The following POLE2 variants were observed in gnomAD, a reference collection of about 807,000 sequenced individuals.
POLE2 encodes DNA polymerase epsilon subunit 2.
A neutral mutation model predicts 79.4 loss-of-function variants in POLE2; 56 were observed. That is an observed-to-expected ratio of 0.71 (90% confidence interval 0.57 to 0.88). POLE2 has a LOEUF of 0.88. Among genes scored for constraint, POLE2 ranks in the 40% least tolerant of loss-of-function variants. The pLI is 0.00. For synonymous variants in POLE2, 212 were observed against 214.0 expected (o/e 0.99, Z 0.08); for missense variants, 598 against 638.9 (o/e 0.94, Z 0.69).
Position 49,654,846 on chromosome 14 carries a change from T to G in POLE2, c.1019-8A>C. The G allele has an allele frequency of 6.7e-7, 1 of 1,489,628 alleles. No homozygotes were observed. 92.3% of individuals were successfully genotyped at this position (1,489,628 alleles called of 1,614,324 possible). ...CCAAAGTTTTTAGGGAATCTAAAAT[T>G]TTAAAAAGGTATTGAATTAAATTTG... On this transcript the variant is annotated splice_region_variant and splice_polypyrimidine_tract_variant and intron_variant, in intron 12 of 18. Transcript: ENST00000216367.
intron 2 of POLE2, among the ~76,000 whole-genome samples, chr14:49,683,198 T>C (rs1481815288): frequency 6.6e-6 from 1 of 152,140 alleles, no homozygotes; most frequent in African/African-American, 2.4e-5. Flanking sequence ...GCCCAGGAGT[T>C]TGAGACCAGG....
At chr14:49,684,165 GA>G (rs564493827) in intron 1 of POLE2, among the ~76,000 whole-genome samples, 4 of 151,696 alleles carry the variant, frequency 2.6e-5, no homozygotes, top group African/African-American at 9.7e-5. Flanking sequence ...TGTAAAATAA[GA>G]AAAAAAATAG....
intron 7 of POLE2, among the ~76,000 whole-genome samples, 178 bp from the exon 8 acceptor site, chr14:49,665,341 C>G (rs977615760): frequency 1.3e-5 from 2 of 152,192 alleles, no homozygotes; most frequent in African/African-American, 4.8e-5. Context: ...AGACTAATCA[C>G]TTAACTGAGA....
chr14:49,654,546 A>T, intron 13 of POLE2: 1 of 467,698 alleles, frequency 2.1e-6, no homozygotes. Flanking sequence ...CTAGACTCTT[A>T]AGAGTAATGC....
chr14:49,666,210 G>A, intron 7 of POLE2, 120 bp downstream of exon 7: 1 of 642,714 alleles, frequency 1.6e-6, no homozygotes. Flanking sequence ...ATATTGTTCT[G>A]TTGGTGAGGC....
chr14:49,656,059 T>C (rs1351765427), intron 10 of POLE2, among the ~76,000 whole-genome samples: 1 of 152,122 alleles, frequency 6.6e-6, no homozygotes. Flanking sequence ...ATCTGTGTCT[T>C]AAAACTGACT....
rs372605618 is a variant in POLE2 at position 49,655,097 on chromosome 14, A to G, written c.929-3T>C. On this transcript the variant is annotated splice_region_variant and splice_polypyrimidine_tract_variant and intron_variant, in intron 11 of 18. Coordinates refer to ENST00000216367, the MANE Select transcript of POLE2 (RefSeq NM_002692.4). ...GGTTGGAGGTGCTGGTGAATAACCT[A>G]AACAATAAAAGAGTAAATGAACAAT... 59 of 1,465,870 alleles carry G rather than the reference A, an allele frequency of 4.0e-5. No homozygotes were observed. In the African/African-American group the frequency reaches 7.9e-4, roughly 20 times the overall value. 90.8% of individuals were successfully genotyped at this position (1,465,870 alleles called of 1,614,324 possible).
chr14:49,669,675 G>A (rs1470597247), intron 5 of POLE2, 77 bp from the exon 6 acceptor site: 3 of 756,300 alleles, frequency 4.0e-6, no homozygotes, highest in African/African-American at 1.8e-5. Flanking sequence ...GTGCCCTGAT[G>A]AAACACTGTC....
chr14:49,654,936 T>C (rs898959930), intron 12 of POLE2, 69 bp downstream of exon 12: 2 of 1,367,048 alleles, frequency 1.5e-6, no homozygotes, highest in African/African-American at 1.5e-5. Flanking sequence ...TAAAATATTA[T>C]GGATAATTTC....
intron 6 of POLE2, among the ~76,000 whole-genome samples, chr14:49,668,673 G>GA (rs1364286795): frequency 6.6e-6 from 1 of 152,164 alleles, no homozygotes; most frequent in East Asian, 1.9e-4. Flanking sequence ...GGAGAAAAGG[G>GA]AAAAGGCTCC....
chr14:49,660,008 C>G (rs1015000843), intron 10 of POLE2, among the ~76,000 whole-genome samples: 2 of 152,186 alleles, frequency 1.3e-5, no homozygotes, highest in Non-Finnish European at 2.9e-5. Context: ...CAAATTCACT[C>G]ACTACTCACT....
intron 6 of POLE2, 74 bp downstream of exon 6, chr14:49,669,450 A>G: frequency 3.8e-6 from 3 of 788,542 alleles, no homozygotes; most frequent in Non-Finnish European, 4.4e-6. Context: ...TTAAAATTCA[A>G]TGAATTAGAA....
At chr14:49,647,194 A>G in intron 18 of POLE2, 99 bp downstream of exon 18, 1 of 671,866 alleles carries the variant, frequency 1.5e-6, no homozygotes, top group South Asian at 1.9e-5. Context: ...GCCACTGTAG[A>G]CATTTTCAAA....
chr14:49,674,308 TA>T, intron 4 of POLE2, 41 bp downstream of exon 4: 1 of 1,484,732 alleles, frequency 6.7e-7, no homozygotes, highest in Non-Finnish European at 9.4e-7. Context: ...AAAAAAAAAG[TA>T]CATTTGAAAT....
chr14:49,663,373 G>T lies in POLE2; in HGVS notation c.697C>A (p.Gln233Lys). The T allele has an allele frequency of 1.2e-6, 2 of 1,608,960 alleles. No homozygotes were observed. The highest frequency in any genetic ancestry group is 1.1e-5 in the South Asian group (1 of 90,434). ...FVLAEGWFED[Q>K]VFHVNAFGFP... ...CCAAAGGCATTGACATGAAACACTT[G>T]ATCTTCAAACCAACCTGAAAAAAAG... Residue 233 changes from glutamine to lysine, a missense_variant, in exon 10 of 19, where the codon CAA becomes AAA. Gln to Lys is a moderately conservative substitution (Grantham distance 53). Transcript: ENST00000216367.
At chr14:49,675,259 T>C (rs2139674063) in intron 3 of POLE2, among the ~76,000 whole-genome samples, 1 of 151,754 alleles carries the variant, frequency 6.6e-6, no homozygotes, top group East Asian at 2.0e-4. Flanking sequence ...TAATTTTGTA[T>C]TTTTAACAAA....
chr14:49,653,978 A>G lies in POLE2; in HGVS notation c.1211+12T>C. ...AAAGGAAAAATGTATAACACAAAAT[A>G]CTAATTCTTACCTGCAAGGATTAGT... On this transcript the variant is annotated intron_variant, in intron 15 of 18. Coordinates refer to ENST00000216367, the MANE Select transcript of POLE2 (RefSeq NM_002692.4). The G allele has an allele frequency of 7.0e-7, 1 of 1,436,586 alleles. No individual in the cohort carries two copies. Among genetic ancestry groups the G allele is most frequent in the Non-Finnish European group, 9.8e-7 (1 of 1,023,798 alleles). 89.0% of individuals were successfully genotyped at this position (1,436,586 alleles called of 1,614,324 possible).
In POLE2 at chr14:49,650,393, A is replaced by G. The variant is rs1345729861; in HGVS notation, c.1369T>C (p.Tyr457His). 1.3e-6 allele frequency: 2 copies of G among 1,588,700 alleles called. No individual in the cohort carries two copies. The highest frequency in any genetic ancestry group is 1.1e-5 in the South Asian group (1 of 87,800). Residue 457 changes from tyrosine to histidine, a missense_variant, in exon 17 of 19, where the codon TAT becomes CAT. By Grantham distance (83) the Tyr-to-His change is moderately conservative. Coordinates refer to ENST00000216367, the MANE Select transcript of POLE2 (RefSeq NM_002692.4). ...SQGHLTPLPL[Y>H]VCPVYWAYDY... ...TATGCCCAATACACTGGGCAGACAT[A>G]AAGAGGTAGGGGAGTCAGATGTCCT...
chr14:49,683,801 C>A, intron 1 of POLE2, 108 bp from the exon 2 acceptor site: 1 of 598,706 alleles, frequency 1.7e-6, no homozygotes, highest in Non-Finnish European at 3.0e-6. Flanking sequence ...AAGGAAGAAC[C>A]ACTAACTGCT....
Sources: allele counts gnomAD v4.1 joint callset (sites outside exome capture counted in the v4.1 genomes callset), GRCh38; gene constraint gnomAD v4.1.1; transcripts MANE v1.5; gene names NCBI Gene and HGNC (gene_info 2026-07-23, HGNC 2026-07-21).